Variants in RINT1 observed in about 807,000 individuals in gnomAD.
RINT1 encodes the protein RAD50 interactor 1.
RINT1 carries 75 observed loss-of-function variants against 97.7 expected under a neutral mutation model. That is an observed-to-expected ratio of 0.77 (90% CI 0.64 to 0.93). RINT1 has a LOEUF of 0.93. RINT1 is among the 40% of genes least tolerant of loss of function. RINT1 has a pLI of 0.00. For synonymous variants in RINT1, 303 were observed against 326.3 expected, an observed-to-expected ratio of 0.93 and a Z score of 0.77; for missense variants, 892 against 925.2, an observed-to-expected ratio of 0.96 and a Z score of 0.47.
At chr7:105,554,331 C>A (rs1791078822) in intron 10 of RINT1, among the ~76,000 whole-genome samples, 1 of 152,150 alleles carries the variant, frequency 6.6e-6, no homozygotes, top group South Asian at 2.1e-4. Context: ...CCGTGCCCGG[C>A]CAACTGCCTG....
chr7:105,532,430 A>G, intron 1 of RINT1, 73 bp downstream of exon 1: 2 of 1,494,682 alleles, frequency 1.3e-6, no homozygotes, highest in Non-Finnish European at 1.8e-6. Flanking sequence ...CCCGGGGGAG[A>G]TAGTCCCGGT....
chr7:105,549,195 C>T (rs1790816311), intron 7 of RINT1, among the ~76,000 whole-genome samples: 1 of 152,038 alleles, frequency 6.6e-6, no homozygotes, highest in Non-Finnish European at 1.5e-5. Context: ...CCATATTGGT[C>T]AGGCTGGTCT....
chr7:105,533,258 G>A (rs935855847), intron 2 of RINT1, among the ~76,000 whole-genome samples: 1 of 152,174 alleles, frequency 6.6e-6, no homozygotes, highest in Non-Finnish European at 1.5e-5. Flanking sequence ...GGGTTCAAAG[G>A]AGGCAAATGA....
At position 105,548,611 on chromosome 7, in the gene RINT1, C is replaced by G; in HGVS notation, c.897C>G (p.Ser299=). Residue 299 remains serine, a synonymous_variant, in exon 7 of 15, where the codon TCC becomes TCG. Transcript: ENST00000257700. ...CAGAAAAATACTCTCTTCCTGCCTC[C>G]CCTTCTGTCATCCTGCCCATCCAGG... ...QLPEKYSLPA[S]PSVILPIQVM... is the part of the protein sequence containing the mutation. 1 of 1,614,112 alleles carries G rather than the reference C, an allele frequency of 6.2e-7. No homozygotes were observed.
intron 10 of RINT1, among the ~76,000 whole-genome samples, chr7:105,554,065 A>G (rs1390144084): frequency 6.6e-6 from 1 of 151,286 alleles, no homozygotes; most frequent in Non-Finnish European, 1.5e-5. Context: ...CACTCGGCTA[A>G]TTTTTTGTAT....
intron 3 of RINT1, among the ~76,000 whole-genome samples, chr7:105,541,380 G>A (rs1790454211): frequency 3.3e-5 from 5 of 150,438 alleles, no homozygotes; most frequent in Admixed American, 1.3e-4. Flanking sequence ...CAAATGATCC[G>A]CCTGTCTTGG....
chr7:105,540,613 G>A (rs1324913496), intron 3 of RINT1, among the ~76,000 whole-genome samples: 1 of 152,042 alleles, frequency 6.6e-6, no homozygotes, highest in Non-Finnish European at 1.5e-5. Context: ...GGCTAGGCTG[G>A]TCTCGAACTC....
chr7:105,563,244 A>G (rs921493825), intron 11 of RINT1, among the ~76,000 whole-genome samples: 10 of 152,216 alleles, frequency 6.6e-5, no homozygotes, highest in African/African-American at 2.2e-4. Context: ...GTGGTTGCCT[A>G]TGAGTTGAGG....
At chr7:105,553,205 C>T (rs1316846292) in intron 10 of RINT1, among the ~76,000 whole-genome samples, 1 of 151,426 alleles carries the variant, frequency 6.6e-6, no homozygotes, top group Non-Finnish European at 1.5e-5. Context: ...AAGAAAATTT[C>T]AGACATCTCA....
intron 11 of RINT1, among the ~76,000 whole-genome samples, chr7:105,557,421 C>T (rs1791229027): frequency 6.6e-6 from 1 of 151,586 alleles, no homozygotes; most frequent in Admixed American, 6.6e-5. Flanking sequence ...CAAAGATGGA[C>T]AAGATAAATT....
At chr7:105,550,592 A>C in intron 9 of RINT1, 106 bp downstream of exon 9, 1 of 806,074 alleles carries the variant, frequency 1.2e-6, no homozygotes, top group South Asian at 1.8e-5. Flanking sequence ...GAGCCATTTG[A>C]AATTTCCTTT....
intron 8 of RINT1, 21 bp downstream of exon 8, chr7:105,550,186 T>C (rs1486196882): frequency 6.2e-7 from 1 of 1,605,236 alleles, no homozygotes; most frequent in Non-Finnish European, 8.5e-7. Flanking sequence ...CAGTCATAAG[T>C]GTTTCTGTTT....
Position 105,551,502 on chromosome 7 carries a change from T to G in RINT1, c.1334-68T>G, listed in dbSNP as rs1747476012. ...TAGAAAAGCCATCATTCCTAAAAAA[T>G]TACAAGTTGAATAATTAGGAACGAC... On this transcript the variant is annotated intron_variant, in intron 9 of 14. Coordinates refer to ENST00000257700, the MANE Select transcript of RINT1 (RefSeq NM_021930.6). The G allele has an allele frequency of 4.4e-6, 6 of 1,371,260 alleles. No individual in the cohort carries two copies. The South Asian group carries it at 4.8e-5, about 11-fold the overall frequency. The allele number at this position is 1,371,260 out of a possible 1,614,324, so 84.9% of individuals were successfully genotyped here.
chr7:105,563,365 C>G (rs79090143), intron 11 of RINT1, among the ~76,000 whole-genome samples: 12,064 of 152,102 alleles, frequency 0.079, 519 homozygotes, highest in East Asian at 0.12. Flanking sequence ...GAATTATACA[C>G]TATTATTAGT....
At chr7:105,549,417 C>T (rs911902784) in intron 7 of RINT1, among the ~76,000 whole-genome samples, 4 of 151,880 alleles carry the variant, frequency 2.6e-5, no homozygotes, top group Non-Finnish European at 5.9e-5. Flanking sequence ...GGTGTGATCT[C>T]GGCTCACTGC....
intron 9 of RINT1, 142 bp from the exon 10 acceptor site, chr7:105,551,423 ATTAAG>A: frequency 4.7e-6 from 3 of 638,110 alleles, no homozygotes; most frequent in Non-Finnish European, 7.6e-6. Context: ...TAAAGCATTA[ATTAAG>A]TTAAATTTAG....
In RINT1 at chr7:105,546,944, G is replaced by A. The variant is rs767256349; in HGVS notation, c.550G>A (p.Val184Ile). The change falls in exon 5 of 15, where the codon GTA becomes ATA. Residue 184 changes from valine to isoleucine, a missense_variant. Val to Ile is a conservative substitution (Grantham distance 29). Transcript: ENST00000257700. Reference sequence around the variant, plus strand: ...TCAGCAATATCTGATGACCAATAATGTACCGGAGGCAGCCTCCACTCTAGT... The same window carrying A: ...TCAGCAATATCTGATGACCAATAATATACCGGAGGCAGCCTCCACTCTAGT... Reference protein sequence around the residue: ...NIQQYLMTNNVPEAASTLVSM... With the variant: ...NIQQYLMTNNIPEAASTLVSM... The A allele has an allele frequency of 6.2e-7, 1 of 1,611,936 alleles. No individual in the cohort carries two copies. The highest frequency in any genetic ancestry group is 1.1e-5 in the South Asian group (1 of 90,432).
chr7:105,548,564 C>A lies in RINT1; in HGVS notation c.850C>A (p.Leu284Ile), dbSNP rs1790782018. The A allele has an allele frequency of 1.2e-6, 2 of 1,614,034 alleles. No homozygotes were observed. The highest frequency in any genetic ancestry group is 2.2e-5 in the East Asian group (1 of 44,876). ...ACTTGATTATGTCAGAGATGAATTACTTACTGAGCCAAAGCAACTCCCAGA... is the reference window on the plus strand; with the variant it reads ...ACTTGATTATGTCAGAGATGAATTAATTACTGAGCCAAAGCAACTCCCAGA... ...LLKLQTSDELLTEPKQLPEKY... is the reference protein window; with the variant it reads ...LLKLQTSDELITEPKQLPEKY... Residue 284 changes from leucine to isoleucine, a missense_variant, in exon 7 of 15, where the codon CTT (leucine) becomes ATT (isoleucine). Physicochemically the swap from Leu to Ile is conservative, Grantham distance 5. Transcript: ENST00000257700.
At chr7:105,565,480 T>C in intron 13 of RINT1, 23 bp downstream of exon 13, 1 of 1,610,946 alleles carries the variant, frequency 6.2e-7, no homozygotes, top group Non-Finnish European at 8.5e-7. Context: ...AGACTGTTTT[T>C]GGGCTGTGAT....
Sources: allele counts gnomAD v4.1 joint callset (sites outside exome capture counted in the v4.1 genomes callset), GRCh38; gene constraint gnomAD v4.1.1; transcripts MANE v1.5; gene names NCBI Gene and HGNC (gene_info 2026-07-23, HGNC 2026-07-21).